The following ZBTB11 variants were observed in gnomAD, a reference collection of about 807,000 sequenced individuals.
ZBTB11 encodes zinc finger and BTB domain containing 11.
Under a neutral mutation model 113.1 loss-of-function variants are expected in ZBTB11, and 68 were observed. The ratio of observed to expected loss-of-function variants is 0.60; its 90% CI spans 0.49 to 0.74. The LOEUF (loss-of-function observed/expected upper bound fraction) is 0.74. ZBTB11 is among the 30% of genes least tolerant of loss of function. The probability of loss-of-function intolerance (pLI) is 0.00; values close to 1 mark genes in which losing one functional copy is unlikely to be tolerated. For synonymous variants in ZBTB11, 518 were observed against 452.6 expected (o/e 1.14, Z -1.83); for missense variants, 1,104 against 1,279.4 (o/e 0.86, Z 2.09).
Position 101,659,896 on chromosome 3 carries a change from C to T in ZBTB11, c.1933G>A (p.Gly645Ser). Residue 645 changes from glycine to serine, a missense_variant, in exon 6 of 11, where the codon GGC becomes AGC. By Grantham distance (56) the Gly-to-Ser change is moderately conservative (BLOSUM62 0). Transcript: ENST00000312938. ...NEASGTSSEK[G>S]RTKREFICSI... ...CATATAAATTCCCGCTTGGTTCTGC[C>T]CTTCTCAGATGATGTTCCCGATGCT... 6.2e-7 allele frequency: 1 copy of T among 1,614,142 alleles called. No individual in the cohort carries two copies. The highest frequency in any genetic ancestry group is 8.5e-7 in the Non-Finnish European group (1 of 1,180,020).
At chr3:101,667,436 G>A (rs1398673194) in intron 3 of ZBTB11, among the ~76,000 whole-genome samples, 1 of 152,170 alleles carries the variant, frequency 6.6e-6, no homozygotes, top group African/African-American at 2.4e-5. Flanking sequence ...TTATCTTAGA[G>A]ATTTTTAAAT....
intron 1 of ZBTB11, among the ~76,000 whole-genome samples, chr3:101,672,822 G>A (rs1937104655): frequency 6.6e-6 from 1 of 152,228 alleles, no homozygotes; most frequent in African/African-American, 2.4e-5. Flanking sequence ...CACATGTGAT[G>A]TGTACCATAT....
In ZBTB11 at chr3:101,652,783, T is replaced by G; in HGVS notation, c.2465A>C (p.Tyr822Ser). ...GCTCCTTCTCAAATTTACTCACCTA[T>G]AAGGCTCAGTGACAGAATGAGACTT... ...HVKSHSVTEP[Y>S]RCNICGKEFY... Residue 822 changes from tyrosine (Y) to serine (S), a missense_variant, in exon 9 of 11, where the codon TAT becomes TCT. By Grantham distance (144) the Tyr-to-Ser change is moderately radical. Coordinates refer to ENST00000312938, the MANE Select transcript of ZBTB11 (RefSeq NM_014415.4). The G allele has an allele frequency of 6.2e-7, 1 of 1,613,302 alleles. No individual in the cohort carries two copies. Among genetic ancestry groups the G allele is most frequent in the Non-Finnish European group, 8.5e-7 (1 of 1,179,824 alleles).
chr3:101,657,624 G>A (rs1936821863), intron 6 of ZBTB11, among the ~76,000 whole-genome samples: 1 of 151,760 alleles, frequency 6.6e-6, no homozygotes, highest in Non-Finnish European at 1.5e-5. Context: ...TTGAGTGAAG[G>A]GTACATGAGA....
In ZBTB11 at chr3:101,672,181, G is replaced by A; in HGVS notation, c.343C>T (p.Gln115Ter). 6.2e-7 allele frequency: 1 copy of A among 1,609,496 alleles called. No individual in the cohort carries two copies. The highest frequency in any genetic ancestry group is 8.5e-7 in the Non-Finnish European group (1 of 1,178,194). The change falls in exon 2 of 11, where the codon CAG (glutamine) becomes TAG (stop). Residue 115 changes from glutamine (Q) to a stop codon, truncating the protein, a stop_gained. Transcript: ENST00000312938. LOFTEE classifies it high-confidence loss of function. Reference sequence around the variant, plus strand: ...AGTTTCTCCTGGCATTTGCTACACTGTTTAATGTAATCTTTGACTTGCTTC... The same window carrying A: ...AGTTTCTCCTGGCATTTGCTACACTATTTAATGTAATCTTTGACTTGCTTC... ...ILKQVKDYIK[Q>*]CSKCQEKLDR... is the part of the protein sequence containing the mutation.
intron 9 of ZBTB11, 32 bp downstream of exon 9, chr3:101,652,748 A>G (rs1325384972): frequency 1.9e-6 from 3 of 1,609,688 alleles, no homozygotes; most frequent in Non-Finnish European, 2.5e-6. Flanking sequence ...CACGTTATCA[A>G]TTAAGTTCAG....
intron 7 of ZBTB11, among the ~76,000 whole-genome samples, chr3:101,655,312 T>C (rs757910822): frequency 2.6e-5 from 4 of 152,250 alleles, no homozygotes; most frequent in Non-Finnish European, 4.4e-5. Flanking sequence ...ACAACCATAG[T>C]ACTATCAGAG....
Position 101,665,391 on chromosome 3 carries a change from A to C in ZBTB11, c.1196T>G (p.Val399Gly). 1 of 1,614,192 alleles carries C rather than the reference A, an allele frequency of 6.2e-7. No individual in the cohort carries two copies. The highest frequency in any genetic ancestry group is 2.2e-5 in the East Asian group (1 of 44,884). ...AGGATGGGAATCAGCTATACATCCT[A>C]CTGATGACAGGGCAGATTCAGCCTC... The part of the protein sequence containing the change: ...SSEAESALSS[V>G]GCIADSHPEM... Residue 399 changes from valine to glycine, a missense_variant, in exon 4 of 11, where the codon GTA becomes GGA. Val to Gly is a moderately radical substitution (Grantham distance 109, BLOSUM62 -3). This residue lies in a region of ZBTB11 where 535 missense variants were observed against 518.6 expected (regional missense o/e 1.03). Coordinates refer to ENST00000312938, the MANE Select transcript of ZBTB11 (RefSeq NM_014415.4).
chr3:101,656,866 G>A (rs1215468213), intron 6 of ZBTB11, among the ~76,000 whole-genome samples: 3 of 152,048 alleles, frequency 2.0e-5, no homozygotes, highest in African/African-American at 4.8e-5. Flanking sequence ...GGGTGTGGTG[G>A]TTCATGCTGG....
In ZBTB11 at chr3:101,668,241, T is replaced by C. The variant is rs577945106; in HGVS notation, c.779-2433A>G. On this transcript the variant is annotated intron_variant, in intron 3 of 10. Coordinates refer to ENST00000312938, the MANE Select transcript of ZBTB11 (RefSeq NM_014415.4). The stretch of plus-strand genomic sequence containing the variant: ...GGGAGTATAGGAGGAGGTTGATTAA[T>C]AGATACAAAATTACAGCTAGATAGA... 4.6e-5 allele frequency among the ~76,000 whole-genome samples: 7 copies of C among 152,136 alleles called. No individual in the cohort carries two copies. In the South Asian group the frequency reaches 1.0e-3, roughly 23 times the overall value.
chr3:101,671,092 A>G, intron 3 of ZBTB11, 38 bp downstream of exon 3: 1 of 1,556,078 alleles, frequency 6.4e-7, no homozygotes, highest in South Asian at 1.1e-5. Flanking sequence ...CTAGAATGTC[A>G]TTACAAACAA....
At chr3:101,660,496 A>G (rs184485768) in intron 5 of ZBTB11, among the ~76,000 whole-genome samples, 22 of 152,296 alleles carry the variant, frequency 1.4e-4, no homozygotes, top group African/African-American at 5.3e-4. Flanking sequence ...CTATTTTTTA[A>G]AACAATAAGT....
Position 101,659,937 on chromosome 3 carries a change from T to C in ZBTB11, c.1892A>G (p.Asn631Ser), listed in dbSNP as rs945225278. The C allele has an allele frequency of 8.7e-6, 14 of 1,614,156 alleles. No individual in the cohort carries two copies. Among genetic ancestry groups the C allele is most frequent in the South Asian group, 2.2e-5 (2 of 91,080 alleles). The change falls in exon 6 of 11, where the codon AAT becomes AGT. Residue 631 changes from asparagine to serine, a missense_variant. Asn to Ser is a conservative substitution (Grantham distance 46). This residue lies in a region of ZBTB11 where 535 missense variants were observed against 518.6 expected (regional missense o/e 1.03). Coordinates refer to ENST00000312938, the MANE Select transcript of ZBTB11 (RefSeq NM_014415.4). The stretch of plus-strand genomic sequence containing the variant: ...TCCCGATGCTTCATTAGACGTGGAA[T>C]TGGACGAGGATGAAGAGGGTGCATC... ...RKDAPSSSSS[N>S]STSNEASGTS...
intron 10 of ZBTB11, among the ~76,000 whole-genome samples, 169 bp from the exon 11 acceptor site, chr3:101,651,852 T>G (rs1407028981): frequency 6.6e-6 from 1 of 152,122 alleles, no homozygotes; most frequent in Admixed American, 6.6e-5. Flanking sequence ...GAAGATTCTT[T>G]GCCGGGCACG....
intron 1 of ZBTB11, among the ~76,000 whole-genome samples, chr3:101,675,414 C>T (rs1005691910): frequency 2.6e-5 from 4 of 152,184 alleles, no homozygotes; most frequent in Non-Finnish European, 5.9e-5. Flanking sequence ...TGTTTATAAA[C>T]CGAAAAGAAC....
At chr3:101,668,044 G>A (rs1467210037) in intron 3 of ZBTB11, among the ~76,000 whole-genome samples, 1 of 151,974 alleles carries the variant, frequency 6.6e-6, no homozygotes, top group Non-Finnish European at 1.5e-5. Flanking sequence ...ATGAAATCCT[G>A]TCATTTGCAG....
chr3:101,650,772 A>C lies in ZBTB11; in HGVS notation c.*394T>G, dbSNP rs1936687867. ...TCTCTATATTTTGAGAATAAAACAGAAGAAAAGCCAACTGGTGCAGCCTTT... is the reference window on the plus strand; with the variant it reads ...TCTCTATATTTTGAGAATAAAACAGCAGAAAAGCCAACTGGTGCAGCCTTT... On this transcript the variant is annotated 3_prime_UTR_variant, in exon 11 of 11. Transcript: ENST00000312938. 6.5e-6 allele frequency: 1 copy of C among 154,804 alleles called. No homozygotes were observed. Among genetic ancestry groups the C allele is most frequent in the African/African-American group, 2.4e-5 (1 of 41,556 alleles). The allele number at this position is 154,804 out of a possible 1,614,324, so 9.6% of individuals were successfully genotyped here.
Position 101,651,261 on chromosome 3 carries a change from C to A in ZBTB11, c.3067G>T (p.Val1023Leu). The A allele has an allele frequency of 6.2e-7, 1 of 1,614,140 alleles. No homozygotes were observed. The highest frequency in any genetic ancestry group is 8.5e-7 in the Non-Finnish European group (1 of 1,180,018). ...TTCTGTCCTTGCTGTTGTGCTAATA[C>A]ATAATTAACCACTTGCATAATACTT... ...DQSIMQVVNYVLAQQQGQKLS... is the reference protein window; with the variant it reads ...DQSIMQVVNYLLAQQQGQKLS... Residue 1023 changes from valine (V) to leucine (L), a missense_variant, in exon 11 of 11, where the codon GTA (valine) becomes TTA (leucine). This residue lies in a region of ZBTB11 where 90 missense variants were observed against 98.0 expected (regional missense o/e 0.92). Coordinates refer to ENST00000312938, the MANE Select transcript of ZBTB11 (RefSeq NM_014415.4).
In ZBTB11 at chr3:101,652,673, TA is replaced by T. The variant is rs774664673; in HGVS notation, c.2469-3del. 6.2e-7 allele frequency: 1 copy of T among 1,613,142 alleles called. No individual in the cohort carries two copies. Among genetic ancestry groups the T allele is most frequent in the Admixed American group, 1.7e-5 (1 of 59,820 alleles). On this transcript the variant is annotated splice_region_variant and splice_polypyrimidine_tract_variant and intron_variant, in intron 9 of 10. Coordinates refer to ENST00000312938, the MANE Select transcript of ZBTB11 (RefSeq NM_014415.4). ...AATTCTTTGCCACATATATTACACC[TA>T]AAATAGGGGAAAAGACCCAATTATT...
Sources: allele counts gnomAD v4.1 joint callset (sites outside exome capture counted in the v4.1 genomes callset), GRCh38; gene constraint gnomAD v4.1.1; regional missense constraint gnomAD v4.1.1; transcripts MANE v1.5; gene names NCBI Gene and HGNC (gene_info 2026-07-23, HGNC 2026-07-21).